MTMR6: variants seen among roughly 807,000 people sequenced by gnomAD.
MTMR6 encodes phosphatidylinositol-3,5-bisphosphate 3-phosphatase MTMR6.
MTMR6 carries 47 observed loss-of-function variants against 80.1 expected under a neutral mutation model. The ratio of observed to expected loss-of-function variants is 0.59; its 90% confidence interval spans 0.46 to 0.75. MTMR6 has a LOEUF of 0.75. Ranked by LOEUF, MTMR6 falls within the 30% of genes least tolerant of loss-of-function variation. The pLI is 0.00. For missense variants in MTMR6, 629 were observed against 730.9 expected, an observed-to-expected ratio of 0.86 and a Z score of 1.61; for synonymous variants, 254 against 253.0, an observed-to-expected ratio of 1.00 and a Z score of -0.04.
intron 1 of MTMR6, among the ~76,000 whole-genome samples, chr13:25,276,211 A>C (rs1467268531): frequency 6.6e-6 from 1 of 152,294 alleles, no homozygotes; most frequent in East Asian, 1.9e-4. Flanking sequence ...GAGCCAAACC[A>C]TATCATTTCC....
intron 7 of MTMR6, 23 bp downstream of exon 7, chr13:25,258,537 T>A: frequency 6.4e-7 from 1 of 1,566,918 alleles, no homozygotes; most frequent in Non-Finnish European, 8.6e-7. Flanking sequence ...CAAGGGTGTC[T>A]AAAAAAGTAA....
At chr13:25,271,829 G>A (rs1957583743) in intron 2 of MTMR6, among the ~76,000 whole-genome samples, 1 of 152,126 alleles carries the variant, frequency 6.6e-6, no homozygotes, top group South Asian at 2.1e-4. Flanking sequence ...CAATAAATGT[G>A]TGCTAAATGA....
At chr13:25,274,240 T>G in intron 1 of MTMR6, 53 bp from the exon 2 acceptor site, 1 of 1,268,696 alleles carries the variant, frequency 7.9e-7, no homozygotes, top group Non-Finnish European at 1.1e-6. Flanking sequence ...TAAATTATTT[T>G]TCTGTTAGCC....
rs1366704742 is a variant in MTMR6, at chr13:25,265,960, A to G, written c.463-13T>C. On this transcript the variant is annotated splice_polypyrimidine_tract_variant and intron_variant, in intron 4 of 13. Transcript: ENST00000381801. ...AAGTTTCACAAATCTGTAAATATCA[A>G]ACAAAACATAACCATTGTATTCTTA... The G allele has an allele frequency of 6.2e-7, 1 of 1,612,204 alleles. No homozygotes were observed. Among genetic ancestry groups the G allele is most frequent in the Non-Finnish European group, 8.5e-7 (1 of 1,178,372 alleles).
chr13:25,265,625 C>T (rs1443375804), intron 5 of MTMR6, among the ~76,000 whole-genome samples, 194 bp downstream of exon 5: 6 of 151,144 alleles, frequency 4.0e-5, no homozygotes, highest in African/African-American at 7.3e-5. Flanking sequence ...CCCAGGTGCT[C>T]GGGAGGCTGA....
At chr13:25,249,549 A>G in intron 13 of MTMR6, 57 bp from the exon 14 acceptor site, 2 of 1,535,164 alleles carry the variant, frequency 1.3e-6, no homozygotes, top group Non-Finnish European at 1.8e-6. Context: ...AATATGTTAC[A>G]TGAAAAAAGA....
rs756645761 is a variant in MTMR6 at position 25,247,230 on chromosome 13, A to G, written c.*2002T>C. 3 of 152,542 alleles carry G rather than the reference A, an allele frequency of 2.0e-5. No individual in the cohort carries two copies. Among genetic ancestry groups the G allele is most frequent in the Non-Finnish European group, 4.4e-5 (3 of 68,008 alleles). 9.4% of individuals were successfully genotyped at this position (152,542 alleles called of 1,614,324 possible). A position where few individuals can be genotyped will look rare whatever the true frequency, so the allele number is the denominator to read the frequency against. ...TGAGAAGAAAAAAAAAACAACTACA[A>G]CTTGATTCCATTTGTTTTATCCAGA... On this transcript the variant is annotated 3_prime_UTR_variant, in exon 14 of 14. Transcript: ENST00000381801.
At chr13:25,265,656 C>T (rs560310932) in intron 5 of MTMR6, among the ~76,000 whole-genome samples, 163 bp downstream of exon 5, 37 of 151,680 alleles carry the variant, frequency 2.4e-4, no homozygotes, top group Non-Finnish European at 4.9e-4. Context: ...CTGCTTGAAC[C>T]GAGAGGTGGA....
intron 2 of MTMR6, among the ~76,000 whole-genome samples, chr13:25,272,518 A>C (rs1957602693): frequency 6.6e-6 from 1 of 152,078 alleles, no homozygotes; most frequent in East Asian, 1.9e-4. Flanking sequence ...CTGAGGTTTG[A>C]GCTTTGACTG....
chr13:25,270,802 GAA>G (rs1439183183), intron 2 of MTMR6, among the ~76,000 whole-genome samples: 1 of 152,168 alleles, frequency 6.6e-6, no homozygotes, highest in Non-Finnish European at 1.5e-5. Flanking sequence ...ATCAAAGAGA[GAA>G]AGAGAAGAGA....
intron 2 of MTMR6, among the ~76,000 whole-genome samples, chr13:25,272,506 T>C (rs9581310): frequency 0.044 from 6,752 of 152,166 alleles, 300 homozygotes; most frequent in South Asian, 0.13. Flanking sequence ...TACTGAATGA[T>C]TCTGAGGTTT....
intron 5 of MTMR6, among the ~76,000 whole-genome samples, chr13:25,263,342 T>C (rs1279563681): frequency 6.6e-6 from 1 of 152,178 alleles, no homozygotes; most frequent in Admixed American, 6.5e-5. Context: ...CACCAGATTC[T>C]CCCTTACCTT....
At chr13:25,258,789 G>C in intron 6 of MTMR6, 97 bp from the exon 7 acceptor site, 3 of 1,082,062 alleles carry the variant, frequency 2.8e-6, no homozygotes, top group East Asian at 3.0e-5. Flanking sequence ...TAGCTAGGAG[G>C]CAGTTTAAAG....
intron 13 of MTMR6, among the ~76,000 whole-genome samples, chr13:25,250,221 GATC>G (rs1437054271): frequency 6.6e-6 from 1 of 152,084 alleles, no homozygotes; most frequent in East Asian, 1.9e-4. Flanking sequence ...TATACTTACT[GATC>G]CTTTTTGCTT....
intron 9 of MTMR6, among the ~76,000 whole-genome samples, chr13:25,256,194 C>T (rs1384810390): frequency 6.6e-6 from 1 of 152,198 alleles, no homozygotes; most frequent in Non-Finnish European, 1.5e-5. Flanking sequence ...CCTGCAGTCA[C>T]CCAAAGAGGT....
At chr13:25,284,700 T>C (rs375554323) in intron 1 of MTMR6, among the ~76,000 whole-genome samples, 1 of 152,284 alleles carries the variant, frequency 6.6e-6, no homozygotes. Context: ...TAAATCCAGG[T>C]GAAGGCTATG....
intron 1 of MTMR6, among the ~76,000 whole-genome samples, chr13:25,283,821 C>T (rs1957906836): frequency 6.6e-6 from 1 of 152,160 alleles, no homozygotes; most frequent in Non-Finnish European, 1.5e-5. Flanking sequence ...GCATAAAGAA[C>T]TGTCTCTGCA....
At chr13:25,282,382 T>C (rs1026265527) in intron 1 of MTMR6, among the ~76,000 whole-genome samples, 2 of 152,114 alleles carry the variant, frequency 1.3e-5, no homozygotes, top group African/African-American at 4.8e-5. Flanking sequence ...CTTAATTTTG[T>C]TTATTGTTAC....
chr13:25,279,272 C>T (rs140997167), intron 1 of MTMR6, among the ~76,000 whole-genome samples: 1 of 152,250 alleles, frequency 6.6e-6, no homozygotes, highest in East Asian at 1.9e-4. Flanking sequence ...AGTGAGTCCT[C>T]ATGAGTTCTA....
Sources: allele counts gnomAD v4.1 joint callset (sites outside exome capture counted in the v4.1 genomes callset), GRCh38; gene constraint gnomAD v4.1.1; transcripts MANE v1.5; gene names NCBI Gene and HGNC (gene_info 2026-07-23, HGNC 2026-07-21).